TFB1M: variants seen among roughly 807,000 people sequenced by gnomAD.
The protein encoded by TFB1M is transcription factor B1, mitochondrial.
A neutral mutation model predicts 31.1 loss-of-function variants in TFB1M; 27 were observed. That is an observed-to-expected ratio of 0.87 (90% CI 0.64 to 1.20). The LOEUF is 1.20. Ranked by LOEUF, TFB1M falls within the 50% of genes most tolerant of loss-of-function variation. The pLI, the probability that TFB1M is intolerant of heterozygous loss-of-function variation, is 0.00. For missense variants in TFB1M, 394 were observed against 418.7 expected (o/e 0.94, Z 0.51); for synonymous variants, 166 against 151.8 (o/e 1.09, Z -0.69).
At chr6:155,286,173 G>A (rs1249683528) in intron 4 of TFB1M, among the ~76,000 whole-genome samples, 3 of 152,032 alleles carry the variant, frequency 2.0e-5, no homozygotes, top group African/African-American at 4.8e-5. Context: ...AAGTGACACC[G>A]GTGTAATTAG....
intron 5 of TFB1M, chr6:155,276,483 G>A: frequency 1.9e-6 from 2 of 1,054,768 alleles, no homozygotes; most frequent in Non-Finnish European, 2.7e-6. Context: ...AAAGAAAGTA[G>A]AATGTAAAAT....
chr6:155,248,237 A>C, the TFB1M span: 3 of 1,554,324 alleles, frequency 1.9e-6, no homozygotes, highest in East Asian at 6.9e-5. Flanking sequence ...AGGGGCTGCC[A>C]GCCGTGCCCT....
rs149360413 is a variant in TFB1M, at chr6:155,314,261, G to A, written c.133+35C>T. The A allele has an allele frequency of 1.3e-3, 2,093 of 1,611,048 alleles. 33 individuals are homozygous for A. The African/African-American group carries it at 0.025, about 19-fold the overall frequency. On this transcript the variant is annotated intron_variant, in intron 1 of 6. Transcript: ENST00000367166. Reference sequence around the variant, plus strand: ...CCGGCCCACGCCCCCACGGACACTGGGGAGACATCCGGGGAGCACTGCTAA... The same window carrying A: ...CCGGCCCACGCCCCCACGGACACTGAGGAGACATCCGGGGAGCACTGCTAA...
At chr6:155,284,326 G>A (rs1207024646) in intron 5 of TFB1M, among the ~76,000 whole-genome samples, 2 of 152,078 alleles carry the variant, frequency 1.3e-5, no homozygotes, top group African/African-American at 2.4e-5. Flanking sequence ...ATTTATGAAG[G>A]ATACATGATG....
the TFB1M span, among the ~76,000 whole-genome samples, chr6:155,233,995 AT>A: frequency 1.8e-4 from 20 of 108,750 alleles, no homozygotes; most frequent in South Asian, 5.7e-4. Flanking sequence ...TTGAGAGAAA[AT>A]TTTTTTTGGG....
At chr6:155,307,922 A>AT (rs2114811373) in intron 2 of TFB1M, among the ~76,000 whole-genome samples, 1 of 152,218 alleles carries the variant, frequency 6.6e-6, no homozygotes, top group African/African-American at 2.4e-5. Context: ...AAAAAAAAAA[A>AT]ATGAGAGGAA....
At chr6:155,273,829 T>C (rs1785051837) in intron 5 of TFB1M, among the ~76,000 whole-genome samples, 1 of 152,138 alleles carries the variant, frequency 6.6e-6, no homozygotes, top group Non-Finnish European at 1.5e-5. Flanking sequence ...ACAAGGATGC[T>C]TGAGATTGTC....
At chr6:155,291,567 TG>T (rs991803243) in intron 4 of TFB1M, among the ~76,000 whole-genome samples, 4 of 152,240 alleles carry the variant, frequency 2.6e-5, no homozygotes, top group Admixed American at 2.6e-4. Flanking sequence ...AAAGATTTTA[TG>T]GCCAAATCAT....
chr6:155,265,421 C>A lies in TFB1M; in HGVS notation c.667-5021G>T, dbSNP rs1319419905. On this transcript the variant is annotated intron_variant, in intron 5 of 6. Transcript: ENST00000367166. Reference sequence around the variant, plus strand: ...TTCATAATAAACCATAATTATCAAACGGACTAGACATCACACTGAAGATGC... The same window carrying A: ...TTCATAATAAACCATAATTATCAAAAGGACTAGACATCACACTGAAGATGC... Among the ~76,000 whole-genome samples the A allele has an allele frequency of 3.9e-5, 6 of 152,062 alleles. No individual in the cohort carries two copies. The East Asian group carries it at 7.7e-4, about 20-fold the overall frequency.
intron 5 of TFB1M, among the ~76,000 whole-genome samples, chr6:155,271,380 G>T (rs1005243669): frequency 6.6e-6 from 1 of 152,042 alleles, no homozygotes; most frequent in African/African-American, 2.4e-5. Context: ...ATCATTTTGG[G>T]TAATTTATTC....
chr6:155,282,848 C>T (rs2114732703), intron 5 of TFB1M, among the ~76,000 whole-genome samples: 2 of 152,178 alleles, frequency 1.3e-5, no homozygotes, highest in Admixed American at 1.3e-4. Flanking sequence ...CTGCCTCAGC[C>T]TCCTGAGTAG....
the TFB1M span, chr6:155,251,130 G>T: frequency 2.1e-6 from 2 of 932,626 alleles, no homozygotes; most frequent in South Asian, 2.9e-5. Context: ...AGTCAGAATT[G>T]CTATAATGGT....
Position 155,314,278 on chromosome 6 carries a change from C to T in TFB1M, c.133+18G>A. 1 of 1,613,112 alleles carries T rather than the reference C, an allele frequency of 6.2e-7. No homozygotes were observed. Among genetic ancestry groups the T allele is most frequent in the Non-Finnish European group, 8.5e-7 (1 of 1,179,506 alleles). On this transcript the variant is annotated intron_variant, in intron 1 of 6. Transcript: ENST00000367166. ...GGACACTGGGGAGACATCCGGGGAGCACTGCTAAGCCATCCACCTGTCAGC... is the reference window on the plus strand; with the variant it reads ...GGACACTGGGGAGACATCCGGGGAGTACTGCTAAGCCATCCACCTGTCAGC...
intron 5 of TFB1M, among the ~76,000 whole-genome samples, chr6:155,283,400 GA>G (rs1161400768): frequency 1.3e-5 from 2 of 152,140 alleles, no homozygotes; most frequent in African/African-American, 4.8e-5. Context: ...AAATTGCTAT[GA>G]AAATGTTTAA....
chr6:155,286,650 T>C (rs1352616299), intron 4 of TFB1M, among the ~76,000 whole-genome samples: 1 of 75,288 alleles, frequency 1.3e-5, no homozygotes, highest in African/African-American at 4.5e-5. Flanking sequence ...TGTGTGTGTG[T>C]ATATATATAT....
At chr6:155,239,646 C>T in the TFB1M span, among the ~76,000 whole-genome samples, 1 of 152,164 alleles carries the variant, frequency 6.6e-6, no homozygotes, top group Admixed American at 6.5e-5. Context: ...GCCAGTGGTC[C>T]CCCCAGATGG....
intron 5 of TFB1M, chr6:155,276,481 T>A: frequency 9.2e-7 from 1 of 1,089,788 alleles, no homozygotes; most frequent in Non-Finnish European, 1.3e-6. Flanking sequence ...ACAAAGAAAG[T>A]AGAATGTAAA....
intron 5 of TFB1M, among the ~76,000 whole-genome samples, chr6:155,281,257 TA>T (rs1364466344): frequency 6.6e-6 from 1 of 152,196 alleles, no homozygotes; most frequent in East Asian, 1.9e-4. Flanking sequence ...CTGGATGTAG[TA>T]AACTCAGCCT....
chr6:155,243,586 C>A, the TFB1M span, among the ~76,000 whole-genome samples: 1 of 152,048 alleles, frequency 6.6e-6, no homozygotes, highest in African/African-American at 2.4e-5. Flanking sequence ...GTGGCTCACG[C>A]CTGTAATGCT....
Sources: allele counts gnomAD v4.1 joint callset (sites outside exome capture counted in the v4.1 genomes callset), GRCh38; gene constraint gnomAD v4.1.1; transcripts MANE v1.5; gene names NCBI Gene and HGNC (gene_info 2026-07-23, HGNC 2026-07-21).